Variants in LCA5L observed in about 807,000 individuals in gnomAD.
The protein encoded by LCA5L is lebercilin-like protein.
LCA5L carries 35 observed loss-of-function variants against 45.4 expected under a neutral mutation model. That is an observed-to-expected ratio of 0.77 (90% CI 0.59 to 1.02). The LOEUF is 1.02. Among genes scored for constraint, LCA5L ranks in the 50% least tolerant of loss-of-function variants. The probability of loss-of-function intolerance (pLI) is 0.00; values close to 1 mark genes in which losing one functional copy is unlikely to be tolerated. For missense variants in LCA5L, 668 were observed against 761.6 expected (o/e 0.88, Z 1.45); for synonymous variants, 233 against 264.7 (o/e 0.88, Z 1.16).
chr21:39,412,837 C>G (rs948452204), intron 7 of LCA5L, among the ~76,000 whole-genome samples: 4 of 152,170 alleles, frequency 2.6e-5, no homozygotes, highest in African/African-American at 9.7e-5. Context: ...TGGTATTGCC[C>G]AAGTGTAAGT....
intron 6 of LCA5L, 116 bp downstream of exon 6, chr21:39,422,860 G>T: frequency 3.2e-6 from 3 of 942,172 alleles, no homozygotes; most frequent in South Asian, 1.6e-5. Context: ...AGTGCAGCAC[G>T]CCAAGTGAAG....
At position 39,431,844 on chromosome 21, in the gene LCA5L, T is replaced by C. The variant is rs1057452094; in HGVS notation, c.-91-2633A>G. Among the ~76,000 whole-genome samples the C allele has an allele frequency of 4.6e-5, 7 of 152,186 alleles. No individual in the cohort carries two copies. In the East Asian group the frequency reaches 9.6e-4, roughly 21 times the overall value. On this transcript the variant is annotated intron_variant, in intron 3 of 10. Coordinates refer to ENST00000288350, the MANE Select transcript of LCA5L (RefSeq NM_152505.4). ...CATAAATTTTCTAGTGGATGTACTG[T>C]CAACTTGCTTTTGTCAAATTTCTAA...
At position 39,410,129 on chromosome 21, in the gene LCA5L, T is replaced by TG. The variant is rs147198736; in HGVS notation, c.1165-34dup. The TG allele has an allele frequency of 6.2e-4, 897 of 1,453,518 alleles. 2 individuals carry two copies. The African/African-American group carries it at 0.011, about 18-fold the overall frequency. 90.0% of individuals were successfully genotyped at this position (1,453,518 alleles called of 1,614,324 possible). A position where few individuals can be genotyped will look rare whatever the true frequency, so the allele number is the denominator to read the frequency against. On this transcript the variant is annotated intron_variant, in intron 9 of 10. Coordinates refer to ENST00000288350, the MANE Select transcript of LCA5L (RefSeq NM_152505.4). ...TTAGAAAAGCAGCAAAAACACATTT[T>TG]GGGGGGTCTAGATAACTTAAAATTG... is the stretch of plus-strand genomic sequence containing the variant.
At chr21:39,441,767 T>TACAC (rs1285525474) in intron 2 of LCA5L, among the ~76,000 whole-genome samples, 19 of 152,238 alleles carry the variant, frequency 1.2e-4, no homozygotes, top group Admixed American at 1.1e-3. Context: ...TACCCGTTTT[T>TACAC]AGCTACCCTG....
chr21:39,432,846 A>C (rs529888733), intron 3 of LCA5L, among the ~76,000 whole-genome samples: 1 of 152,330 alleles, frequency 6.6e-6, no homozygotes, highest in South Asian at 2.1e-4. Flanking sequence ...CATCAATATC[A>C]GTAGTTCATT....
intron 7 of LCA5L, among the ~76,000 whole-genome samples, chr21:39,416,511 G>A (rs970543983): frequency 1.3e-5 from 2 of 152,120 alleles, no homozygotes; most frequent in Non-Finnish European, 2.9e-5. Context: ...GGGAGCCTTG[G>A]TTTGTTTCAG....
chr21:39,438,690 T>A (rs2076519603), intron 2 of LCA5L: 1 of 152,176 alleles, frequency 6.6e-6, no homozygotes, highest in Non-Finnish European at 1.5e-5. Context: ...TTACTCATAA[T>A]GAAATGCAAA....
chr21:39,438,390 CAGAG>C (rs2076489621), intron 2 of LCA5L, among the ~76,000 whole-genome samples: 1 of 151,934 alleles, frequency 6.6e-6, no homozygotes, highest in Non-Finnish European at 1.5e-5. Context: ...AAAGAAAACA[CAGAG>C]TGTGGAAAAA....
At chr21:39,435,262 C>T (rs374314118) in intron 3 of LCA5L, among the ~76,000 whole-genome samples, 158 bp downstream of exon 3, 12 of 152,308 alleles carry the variant, frequency 7.9e-5, no homozygotes, top group African/African-American at 2.6e-4. Flanking sequence ...CTATATTATG[C>T]TTATCTAATT....
chr21:39,416,574 C>T (rs2041198611), intron 7 of LCA5L, among the ~76,000 whole-genome samples: 1 of 152,016 alleles, frequency 6.6e-6, no homozygotes, highest in South Asian at 2.1e-4. Context: ...GTTCATTGCT[C>T]CTGGTTACTC....
chr21:39,434,579 G>A (rs1601941120), intron 3 of LCA5L, among the ~76,000 whole-genome samples: 1 of 152,160 alleles, frequency 6.6e-6, no homozygotes, highest in African/African-American at 2.4e-5. Context: ...GTGCAGTGGT[G>A]TGATCACAGC....
chr21:39,420,975 G>A (rs557879228), intron 6 of LCA5L, 132 bp from the exon 7 acceptor site: 1 of 594,090 alleles, frequency 1.7e-6, no homozygotes, highest in East Asian at 2.8e-5. Flanking sequence ...CTTATACAGG[G>A]GACATATATT....
In LCA5L at chr21:39,406,160, C is replaced by A; in HGVS notation, c.1735G>T (p.Gly579Cys). Residue 579 changes from glycine (G) to cysteine (C), a missense_variant, in exon 11 of 11, where the codon GGT becomes TGT. Physicochemically the swap from Gly to Cys is radical, Grantham distance 159. Transcript: ENST00000288350. ...HSDSGYEPSF[G>C]KSSRIKVKDT... ...TTCACTTTTATTCTGGAAGACTTAC[C>A]AAATGAGGGCTCATACCCACTGTCA... 6.2e-7 allele frequency: 1 copy of A among 1,614,200 alleles called. No individual in the cohort carries two copies. Among genetic ancestry groups the A allele is most frequent in the African/African-American group, 1.3e-5 (1 of 75,036 alleles).
Position 39,409,686 on chromosome 21 carries a change from G to A in LCA5L, c.1282+293C>T, listed in dbSNP as rs371074829. On this transcript the variant is annotated intron_variant, in intron 10 of 10. Coordinates refer to ENST00000288350, the MANE Select transcript of LCA5L (RefSeq NM_152505.4). This position sits in a 1 kb window ranked among gnomAD's most constrained non-coding sequence, Gnocchi z 4.2. ...TGGCTCACTGCAACCTCTGCCTCCTGGGTCCAAGCGATTTTCCTGCCTCAG... is the reference window on the plus strand; with the variant it reads ...TGGCTCACTGCAACCTCTGCCTCCTAGGTCCAAGCGATTTTCCTGCCTCAG... Among the ~76,000 whole-genome samples the A allele has an allele frequency of 5.6e-4, 86 of 152,238 alleles. No individual in the cohort carries two copies. The highest frequency in any genetic ancestry group is 2.0e-3 in the African/African-American group (84 of 41,542).
intron 8 of LCA5L, 104 bp from the exon 9 acceptor site, chr21:39,410,471 CTAAG>C: frequency 1.6e-6 from 1 of 607,474 alleles, no homozygotes; most frequent in East Asian, 2.9e-5. Context: ...ATAAAGTATA[CTAAG>C]TATTTTCTAA....
At chr21:39,425,735 AC>A (rs2074569498) in intron 5 of LCA5L, 1 of 152,322 alleles carries the variant, frequency 6.6e-6, no homozygotes, top group Non-Finnish European at 1.5e-5. Context: ...ACTGAACCTG[AC>A]CCCCAACTTG....
intron 7 of LCA5L, among the ~76,000 whole-genome samples, chr21:39,412,256 A>G (rs1454465943): frequency 6.6e-6 from 1 of 152,198 alleles, no homozygotes; most frequent in Non-Finnish European, 1.5e-5. Flanking sequence ...GCACAGGTGA[A>G]CATTTCCACC....
chr21:39,422,034 G>C (rs1042626322), intron 6 of LCA5L: 1 of 152,136 alleles, frequency 6.6e-6, no homozygotes, highest in African/African-American at 2.4e-5. Flanking sequence ...TATCACTTTG[G>C]TATACAAGAG....
chr21:39,428,029 A>T, intron 5 of LCA5L, 143 bp downstream of exon 5: 1 of 587,736 alleles, frequency 1.7e-6, no homozygotes, highest in Non-Finnish European at 3.1e-6. Context: ...TTCCTAATTT[A>T]TTCTATAAAA....
Sources: gnomAD v4.1 joint callset for allele counts (sites outside exome capture counted in the v4.1 genomes callset) on GRCh38, gnomAD v4.1.1 for gene constraint, Gnocchi (gnomAD v3.1) non-coding constraint, MANE v1.5 for transcripts, NCBI Gene and HGNC (gene_info 2026-07-23, HGNC 2026-07-21) for gene names.